The following CDH12 variants were observed in gnomAD, a reference collection of about 807,000 sequenced individuals.
The protein encoded by CDH12 is cadherin 12.
CDH12 carries 41 observed loss-of-function variants against 74.1 expected under a neutral mutation model. The ratio of observed to expected loss-of-function variants is 0.55; its 90% CI spans 0.43 to 0.72. The LOEUF (loss-of-function observed/expected upper bound fraction) is 0.72. CDH12 is among the 30% of genes least tolerant of loss of function. The probability of loss-of-function intolerance (pLI) is 0.00; values close to 1 mark genes in which losing one functional copy is unlikely to be tolerated. For missense variants in CDH12, 945 were observed against 977.2 expected (o/e 0.97, Z 0.44); for synonymous variants, 399 against 355.0 (o/e 1.12, Z -1.39).
At chr5:22,194,484 C>G (rs898925579) in intron 4 of CDH12, among the ~76,000 whole-genome samples, 2 of 151,470 alleles carry the variant, frequency 1.3e-5, no homozygotes, top group African/African-American at 4.9e-5. Context: ...AGCGTCCGCC[C>G]CCATGCCCGC....
At chr5:21,775,271 A>G (rs866346703) in intron 11 of CDH12, among the ~76,000 whole-genome samples, 2 of 152,252 alleles carry the variant, frequency 1.3e-5, no homozygotes, top group Non-Finnish European at 2.9e-5. Context: ...AAGGTTAACT[A>G]TATAGTCACC....
intron 1 of CDH12, among the ~76,000 whole-genome samples, chr5:22,761,722 C>T (rs1485561992): frequency 6.6e-6 from 1 of 152,044 alleles, no homozygotes. Context: ...TAATTGACAC[C>T]TTAAATGGTG....
At chr5:21,881,272 T>C (rs1752342081) in intron 6 of CDH12, among the ~76,000 whole-genome samples, 1 of 152,238 alleles carries the variant, frequency 6.6e-6, no homozygotes, top group East Asian at 1.9e-4. Flanking sequence ...ACAATATTTA[T>C]GGAGCTATTA....
At chr5:22,418,046 T>C (rs534456535) in intron 2 of CDH12, among the ~76,000 whole-genome samples, 5 of 152,308 alleles carry the variant, frequency 3.3e-5, no homozygotes, top group Admixed American at 2.6e-4. Context: ...TTGGGCAGTA[T>C]GGCCATTTTC....
chr5:22,124,544 T>G (rs1186373541), intron 4 of CDH12, among the ~76,000 whole-genome samples: 1 of 152,182 alleles, frequency 6.6e-6, no homozygotes, highest in Non-Finnish European at 1.5e-5. Flanking sequence ...AGTTACACAT[T>G]TTATTGCACA....
chr5:22,455,543 C>G (rs1419747686), intron 2 of CDH12, among the ~76,000 whole-genome samples: 1 of 152,106 alleles, frequency 6.6e-6, no homozygotes, highest in Non-Finnish European at 1.5e-5. Context: ...GACAAAAGCT[C>G]ATTTGAGAAC....
At chr5:22,048,357 C>T (rs1740111609) in intron 5 of CDH12, among the ~76,000 whole-genome samples, 1 of 152,116 alleles carries the variant, frequency 6.6e-6, no homozygotes, top group Non-Finnish European at 1.5e-5. Context: ...CAGTGTAGTA[C>T]ATCCATCAGT....
At chr5:22,803,120 T>A (rs1286706156) in intron 1 of CDH12, among the ~76,000 whole-genome samples, 2 of 152,170 alleles carry the variant, frequency 1.3e-5, no homozygotes, top group Admixed American at 6.5e-5. Flanking sequence ...ATTTGCTCTG[T>A]CTCAAAGTCT....
chr5:21,813,609 C>T (rs910771787), intron 9 of CDH12, among the ~76,000 whole-genome samples: 5 of 152,276 alleles, frequency 3.3e-5, no homozygotes, highest in Non-Finnish European at 7.4e-5. Flanking sequence ...CTCTGCCTGG[C>T]GAGCCCGTCA....
chr5:22,629,296 G>A (rs917206330), intron 1 of CDH12, among the ~76,000 whole-genome samples: 5 of 151,356 alleles, frequency 3.3e-5, no homozygotes, highest in Admixed American at 1.3e-4. Flanking sequence ...AGACACACAC[G>A]CATAAACACA....
chr5:22,061,174 G>C (rs946050385), intron 5 of CDH12, among the ~76,000 whole-genome samples: 1 of 152,144 alleles, frequency 6.6e-6, no homozygotes, highest in Non-Finnish European at 1.5e-5. Context: ...TATATGTTAT[G>C]TAGGAAATTT....
intron 5 of CDH12, among the ~76,000 whole-genome samples, chr5:22,055,558 A>C (rs187475622): frequency 6.6e-6 from 1 of 151,828 alleles, no homozygotes; most frequent in Non-Finnish European, 1.5e-5. Flanking sequence ...TTGAGAACAA[A>C]TTTTTTTTCT....
chr5:22,747,902 T>G (rs930079196), intron 1 of CDH12, among the ~76,000 whole-genome samples: 3 of 152,196 alleles, frequency 2.0e-5, no homozygotes, highest in Non-Finnish European at 4.4e-5. Context: ...TTTCAAATTC[T>G]TATATTCTGG....
intron 1 of CDH12, among the ~76,000 whole-genome samples, chr5:22,760,678 C>CAAAAAAAAAAAAAAAA (rs11284255): frequency 3.2e-5 from 2 of 63,434 alleles, no homozygotes; most frequent in African/African-American, 6.4e-5. Flanking sequence ...GACTCCGTCT[C>CAAAAAAAAAAAAAAAA]AAAAAAAAAA....
chr5:22,270,964 C>T (rs963997026), intron 3 of CDH12, among the ~76,000 whole-genome samples: 7 of 152,108 alleles, frequency 4.6e-5, no homozygotes, highest in South Asian at 4.1e-4. Flanking sequence ...TGAGCCACCA[C>T]GCCCGGCCCT....
At chr5:22,410,587 ATTTGGGTC>A (rs1743131957) in intron 2 of CDH12, among the ~76,000 whole-genome samples, 1 of 152,028 alleles carries the variant, frequency 6.6e-6, no homozygotes, top group Non-Finnish European at 1.5e-5. Flanking sequence ...TCCCCTGTAT[ATTTGGGTC>A]TTTGTTCTGA....
chr5:22,415,171 T>A (rs1241301938), intron 2 of CDH12, among the ~76,000 whole-genome samples: 1 of 152,162 alleles, frequency 6.6e-6, no homozygotes, highest in East Asian at 1.9e-4. Flanking sequence ...GGTAGTATTT[T>A]TAAAGTGCCT....
At chr5:21,786,851 TC>T (rs1746224820) in intron 10 of CDH12, among the ~76,000 whole-genome samples, 1 of 152,152 alleles carries the variant, frequency 6.6e-6, no homozygotes, top group Non-Finnish European at 1.5e-5. Context: ...AAGAAGTTAT[TC>T]CAAGCCTCAT....
intron 3 of CDH12, among the ~76,000 whole-genome samples, chr5:22,380,019 A>G (rs1416943565): frequency 1.3e-5 from 2 of 152,142 alleles, no homozygotes; most frequent in Non-Finnish European, 2.9e-5. Context: ...TTGGCCTCCC[A>G]AAGTACTAGC....
Sources: gnomAD v4.1 joint callset for allele counts (sites outside exome capture counted in the v4.1 genomes callset) on GRCh38, gnomAD v4.1.1 for gene constraint, MANE v1.5 for transcripts, NCBI Gene and HGNC (gene_info 2026-07-23, HGNC 2026-07-21) for gene names.